The following MAP2K1 variants were observed in gnomAD, a reference collection of about 807,000 sequenced individuals.
MAP2K1 encodes dual specificity mitogen-activated protein kinase kinase 1.
A neutral mutation model predicts 46.3 loss-of-function variants in MAP2K1; 16 were observed. That is an observed-to-expected ratio of 0.35 (90% CI 0.23 to 0.52). MAP2K1 has a LOEUF of 0.52. Ranked by LOEUF, MAP2K1 falls within the 20% of genes least tolerant of loss-of-function variation. The pLI, the probability that MAP2K1 is intolerant of heterozygous loss-of-function variation, is 0.94. For synonymous variants in MAP2K1, 183 were observed against 185.6 expected (o/e 0.99, Z 0.11); for missense variants, 263 against 497.1 (o/e 0.53, Z 4.48).
intron 8 of MAP2K1, among the ~76,000 whole-genome samples, chr15:66,487,616 AAC>A (rs1336336893): frequency 5.9e-5 from 9 of 151,828 alleles, no homozygotes; most frequent in African/African-American, 1.9e-4. Flanking sequence ...AAAACAAAAA[AAC>A]ACATCGCTGT....
chr15:66,478,262 G>A (rs1259859184), intron 5 of MAP2K1, among the ~76,000 whole-genome samples: 1 of 141,650 alleles, frequency 7.1e-6, no homozygotes, highest in African/African-American at 2.8e-5. Context: ...AAAAATCTGT[G>A]TATATATATT....
intron 7 of MAP2K1, 85 bp downstream of exon 7, chr15:66,485,276 G>C (rs1893010803): frequency 7.8e-7 from 1 of 1,278,022 alleles, no homozygotes; most frequent in East Asian, 2.5e-5. Flanking sequence ...CTGATTCTCT[G>C]TACATTCTGC....
At chr15:66,449,077 A>G (rs950257832) in intron 5 of MAP2K1, among the ~76,000 whole-genome samples, 5 of 151,922 alleles carry the variant, frequency 3.3e-5, no homozygotes, top group African/African-American at 7.2e-5. Context: ...TTTGGAAAAC[A>G]GGTATTAAAA....
rs572471353 is a variant in MAP2K1 at position 66,444,335 on chromosome 15, A to T, written c.517-321A>T. 3.3e-5 allele frequency among the ~76,000 whole-genome samples: 5 copies of T among 150,872 alleles called. No individual in the cohort carries two copies. The East Asian group carries it at 9.8e-4, about 30-fold the overall frequency. ...GATCACCTGAGGTCAGGAGTTCGAG[A>T]CTAGCCCGACAAACATGGAGAAACC... On this transcript the variant is annotated intron_variant, in intron 4 of 10. Transcript: ENST00000307102.
chr15:66,423,419 CT>C lies in MAP2K1; in HGVS notation c.81-11606del, dbSNP rs543668054. 2.3e-3 allele frequency among the ~76,000 whole-genome samples: 343 copies of C among 148,858 alleles called. 1 individual carries two copies. The highest frequency in any genetic ancestry group is 7.6e-3 in the African/African-American group (309 of 40,786). ...CCCCCCATCCCACTTCCCAACCCTT[CT>C]TGATTTTTGTGTTTTTCTTTCCTTT... On this transcript the variant is annotated intron_variant, in intron 1 of 10. Coordinates refer to ENST00000307102, the MANE Select transcript of MAP2K1 (RefSeq NM_002755.4).
rs1398753890 is a variant in MAP2K1 at position 66,420,976 on chromosome 15, CAT to C, written c.81-14049_81-14048del. Among the ~76,000 whole-genome samples the C allele has an allele frequency of 1.6e-3, 175 of 108,756 alleles. 3 individuals carry two copies. Among genetic ancestry groups the C allele is most frequent in the East Asian group, 0.012 (49 of 4,220 alleles). The allele number at this position is 108,756 out of a possible 152,430, so 71.3% of individuals were successfully genotyped here. A position where few individuals can be genotyped will look rare whatever the true frequency, so the allele number is the denominator to read the frequency against. On this transcript the variant is annotated intron_variant, in intron 1 of 10. Coordinates refer to ENST00000307102, the MANE Select transcript of MAP2K1 (RefSeq NM_002755.4). ...ACACATACATATATACACACACATA[CAT>C]ACACACACATACATACATATATACA...
chr15:66,388,800 C>T (rs2093349462), intron 1 of MAP2K1, among the ~76,000 whole-genome samples: 1 of 151,940 alleles, frequency 6.6e-6, no homozygotes, highest in African/African-American at 2.4e-5. Context: ...CTGCTCCCAA[C>T]AGACTCTCTT....
At chr15:66,420,767 GTA>G (rs773577976) in intron 1 of MAP2K1, among the ~76,000 whole-genome samples, 518 of 35,336 alleles carry the variant, frequency 0.015, 69 homozygotes, top group East Asian at 0.027. Context: ...GTGTATGTGT[GTA>G]TATATATGTG....
chr15:66,415,830 A>G (rs1567000963), intron 1 of MAP2K1, among the ~76,000 whole-genome samples: 2 of 152,376 alleles, frequency 1.3e-5, no homozygotes, highest in East Asian at 1.9e-4. Context: ...AGAAGTGTAT[A>G]TATTCTACAG....
intron 1 of MAP2K1, among the ~76,000 whole-genome samples, chr15:66,432,037 A>G (rs534868556): frequency 1.3e-5 from 2 of 152,174 alleles, no homozygotes; most frequent in Admixed American, 6.5e-5. Flanking sequence ...GTTCCTTTTT[A>G]TGTCTGCATA....
chr15:66,457,956 T>A (rs1892215009), intron 5 of MAP2K1, among the ~76,000 whole-genome samples: 1 of 147,490 alleles, frequency 6.8e-6, no homozygotes, highest in Non-Finnish European at 1.5e-5. Flanking sequence ...AGAGCAAGAC[T>A]GTCTCAGAAA....
chr15:66,485,395 G>T (rs950424563), intron 7 of MAP2K1, among the ~76,000 whole-genome samples: 1 of 152,136 alleles, frequency 6.6e-6, no homozygotes, highest in Non-Finnish European at 1.5e-5. Flanking sequence ...TGTTGAGTAC[G>T]TACTATGTTC....
intron 1 of MAP2K1, among the ~76,000 whole-genome samples, chr15:66,409,380 A>G (rs562172891): frequency 1.3e-5 from 2 of 152,156 alleles, no homozygotes; most frequent in Non-Finnish European, 2.9e-5. Flanking sequence ...GCACAGAGGA[A>G]GGCTCTGGGA....
At chr15:66,483,254 C>T (rs1465531198) in intron 6 of MAP2K1, among the ~76,000 whole-genome samples, 2 of 152,186 alleles carry the variant, frequency 1.3e-5, no homozygotes, top group African/African-American at 4.8e-5. Context: ...CCCACTGTGA[C>T]TCCAGCCACT....
In MAP2K1 at chr15:66,489,210, T is replaced by C; in HGVS notation, c.961-5T>C. Reference sequence around the variant, plus strand: ...CATTTTTCTTATCTCAACATGTGTTTGCAGCCTCCTCCAAAACTGCCCAGT... The same window carrying C: ...CATTTTTCTTATCTCAACATGTGTTCGCAGCCTCCTCCAAAACTGCCCAGT... On this transcript the variant is annotated splice_polypyrimidine_tract_variant and splice_region_variant and intron_variant, in intron 8 of 10. Transcript: ENST00000307102. 6.2e-7 allele frequency: 1 copy of C among 1,613,650 alleles called. No homozygotes were observed. Among genetic ancestry groups the C allele is most frequent in the South Asian group, 1.1e-5 (1 of 91,066 alleles).
intron 3 of MAP2K1, among the ~76,000 whole-genome samples, chr15:66,440,603 A>T (rs2093501130): frequency 6.6e-6 from 1 of 152,236 alleles, no homozygotes; most frequent in African/African-American, 2.4e-5. Context: ...TCAGGTTGGT[A>T]GCTGAGCCAA....
At chr15:66,397,537 G>A (rs146088083) in intron 1 of MAP2K1, among the ~76,000 whole-genome samples, 22 of 152,308 alleles carry the variant, frequency 1.4e-4, no homozygotes, top group African/African-American at 5.3e-4. Context: ...AATGATGCCG[G>A]CTTTTGATTT....
intron 7 of MAP2K1, among the ~76,000 whole-genome samples, chr15:66,486,110 A>G (rs1310158542): frequency 6.6e-6 from 1 of 152,090 alleles, no homozygotes; most frequent in African/African-American, 2.4e-5. Flanking sequence ...TATGTTGACT[A>G]GGCTGGTCTG....
intron 1 of MAP2K1, among the ~76,000 whole-genome samples, chr15:66,423,563 G>GATTA (rs1286504999): frequency 6.7e-6 from 1 of 148,474 alleles, no homozygotes; most frequent in Non-Finnish European, 1.5e-5. Context: ...TTAGCCTCCT[G>GATTA]AGTAGCTGGG....
Sources: allele counts gnomAD v4.1 joint callset (sites outside exome capture counted in the v4.1 genomes callset), GRCh38; gene constraint gnomAD v4.1.1; transcripts MANE v1.5; gene names NCBI Gene and HGNC (gene_info 2026-07-23, HGNC 2026-07-21).